Variants in PPFIA1 observed in about 807,000 individuals in gnomAD.
PPFIA1 encodes PPFI scaffold protein A1.
PPFIA1 carries 25 observed loss-of-function variants against 149.9 expected under a neutral mutation model. The ratio of observed to expected loss-of-function variants is 0.17; its 90% confidence interval spans 0.12 to 0.23. PPFIA1 has a LOEUF of 0.23. Among genes scored for constraint, PPFIA1 ranks in the 10% least tolerant of loss-of-function variants. The probability of loss-of-function intolerance (pLI) is 1.00; values close to 1 mark genes in which losing one functional copy is unlikely to be tolerated. For missense variants in PPFIA1, 1,362 were observed against 1,506.5 expected (o/e 0.90, Z 1.59); for synonymous variants, 549 against 552.8 (o/e 0.99, Z 0.10).
chr11:70,272,513 G>A, intron 2 of PPFIA1, 77 bp downstream of exon 2: 1 of 1,426,312 alleles, frequency 7.0e-7, no homozygotes, highest in Non-Finnish European at 9.5e-7. Context: ...TTTTGTTAAT[G>A]TTTCAGATGA....
At chr11:70,315,033 A>C (rs906820212) in intron 2 of PPFIA1, among the ~76,000 whole-genome samples, 1 of 152,232 alleles carries the variant, frequency 6.6e-6, no homozygotes, top group Admixed American at 6.5e-5. Context: ...CTCACTCACT[A>C]TCACGAGAAC....
At chr11:70,326,152 T>A (rs2054270962) in intron 5 of PPFIA1, 110 bp from the exon 6 acceptor site, 1 of 644,936 alleles carries the variant, frequency 1.6e-6, no homozygotes, top group Non-Finnish European at 2.7e-6. Flanking sequence ...TTCTCTTTTA[T>A]ACTATGTTAA....
At position 70,354,441 on chromosome 11, in the gene PPFIA1, G is replaced by A. The variant is rs1166883624; in HGVS notation, c.2304G>A (p.Arg768=). The A allele has an allele frequency of 1.9e-6, 3 of 1,613,164 alleles. No individual in the cohort carries two copies. The highest frequency in any genetic ancestry group is 2.7e-5 in the African/African-American group (2 of 74,814). The part of the protein sequence containing the change: ...ALHTVSHEDI[R]DIRNSTGSQD... Reference sequence around the variant, plus strand: ...ACACCGTCAGCCACGAGGACATCAGGGACATAAGGAAGTAAGGAGCCTGCA... The same window carrying A: ...ACACCGTCAGCCACGAGGACATCAGAGACATAAGGAAGTAAGGAGCCTGCA... Residue 768 remains arginine (R), a synonymous_variant, in exon 17 of 28, where the codon AGG becomes AGA. Transcript: ENST00000253925.
chr11:70,295,652 A>ACCTC (rs1454298428), intron 2 of PPFIA1, among the ~76,000 whole-genome samples: 1 of 97,198 alleles, frequency 1.0e-5, no homozygotes, highest in African/African-American at 4.1e-5. Flanking sequence ...GGTGCCCCTC[A>ACCTC]CCTCCCGGAC....
intron 7 of PPFIA1, among the ~76,000 whole-genome samples, chr11:70,329,583 A>G (rs932418382): frequency 6.6e-6 from 1 of 152,120 alleles, no homozygotes; most frequent in African/African-American, 2.4e-5. Context: ...AGTACCTGGG[A>G]CTACAGGGGC....
chr11:70,303,182 T>C (rs1409871724), intron 2 of PPFIA1, among the ~76,000 whole-genome samples: 3 of 152,138 alleles, frequency 2.0e-5, no homozygotes, highest in Non-Finnish European at 4.4e-5. Context: ...GCACTGTGGT[T>C]CTAGACCCCG....
At chr11:70,293,206 T>A (rs547256053) in intron 2 of PPFIA1, among the ~76,000 whole-genome samples, 1 of 152,352 alleles carries the variant, frequency 6.6e-6, no homozygotes, top group East Asian at 1.9e-4. Flanking sequence ...CTCATCTAAT[T>A]CTGTTCCTAG....
intron 25 of PPFIA1, among the ~76,000 whole-genome samples, chr11:70,377,003 G>A (rs532987562): frequency 1.3e-5 from 2 of 152,148 alleles, no homozygotes; most frequent in South Asian, 4.1e-4. Context: ...AACCTGGGAG[G>A]TGGAGGTTGC....
intron 26 of PPFIA1, among the ~76,000 whole-genome samples, chr11:70,381,503 C>T (rs2057709672): frequency 6.6e-6 from 1 of 152,230 alleles, no homozygotes; most frequent in Non-Finnish European, 1.5e-5. Flanking sequence ...GCCAACGCCC[C>T]ACCCCTGCAG....
Position 70,355,673 on chromosome 11 carries a change from C to T in PPFIA1, c.2350C>T (p.Pro784Ser). The T allele has an allele frequency of 6.2e-7, 1 of 1,613,462 alleles. No individual in the cohort carries two copies. Among genetic ancestry groups the T allele is most frequent in the African/African-American group, 1.3e-5 (1 of 74,972 alleles). Residue 784 changes from proline (P) to serine (S), a missense_variant, in exon 18 of 28, where the codon CCC (proline) becomes TCC (serine). Coordinates refer to ENST00000253925, the MANE Select transcript of PPFIA1 (RefSeq NM_003626.5). ...CTCCCAGGATGGTCCCGTGAGCAAC[C>T]CCAGCAGTAGCAACAGTAGCCAGGA... ...TGSQDGPVSN[P>S]SSSNSSQDSL...
At chr11:70,347,876 G>A (rs572936583) in intron 15 of PPFIA1, among the ~76,000 whole-genome samples, 7 of 151,606 alleles carry the variant, frequency 4.6e-5, no homozygotes, top group Non-Finnish European at 8.8e-5. Flanking sequence ...GGTGGCACGC[G>A]CCTGTAATCC....
At chr11:70,279,042 T>C (rs2050580944) in intron 2 of PPFIA1, 1 of 532,910 alleles carries the variant, frequency 1.9e-6, no homozygotes, top group Admixed American at 2.7e-5. Flanking sequence ...AAGTTGCAAG[T>C]AATGAGGGGT....
Position 70,270,831 on chromosome 11 carries a change from C to A in PPFIA1, c.-84C>A, listed in dbSNP as rs901992982. On this transcript the variant is annotated 5_prime_UTR_variant, in exon 1 of 28. Coordinates refer to ENST00000253925, the MANE Select transcript of PPFIA1 (RefSeq NM_003626.5). ...GCGGACGCCGGCCGCGGGCTGCTTTCGTCGGCTCCCAAGCTCTCCCGGAGC... is the reference window on the plus strand; with the variant it reads ...GCGGACGCCGGCCGCGGGCTGCTTTAGTCGGCTCCCAAGCTCTCCCGGAGC... 6.7e-6 allele frequency: 1 copy of A among 150,252 alleles called. No homozygotes were observed. Among genetic ancestry groups the A allele is most frequent in the African/African-American group, 2.4e-5 (1 of 41,172 alleles). The allele number at this position is 150,252 out of a possible 1,614,324, so 9.3% of individuals were successfully genotyped here.
At chr11:70,294,841 C>G (rs987059456) in intron 2 of PPFIA1, among the ~76,000 whole-genome samples, 5 of 151,380 alleles carry the variant, frequency 3.3e-5, no homozygotes, top group African/African-American at 1.2e-4. Context: ...GTGGACACAG[C>G]ACATGTTTCA....
chr11:70,329,458 TA>T (rs1032418662), intron 7 of PPFIA1, among the ~76,000 whole-genome samples: 8 of 152,046 alleles, frequency 5.3e-5, no homozygotes, highest in Admixed American at 2.0e-4. Flanking sequence ...TTTATTTATT[TA>T]TTTTTGAGAC....
At chr11:70,377,987 T>C in intron 25 of PPFIA1, 43 bp from the exon 26 acceptor site, 1 of 1,501,126 alleles carries the variant, frequency 6.7e-7, no homozygotes, top group Non-Finnish European at 9.2e-7. Context: ...CTCTGACCTT[T>C]ATTTTTTAAA....
chr11:70,285,890 A>G (rs971512273), intron 2 of PPFIA1, among the ~76,000 whole-genome samples: 3 of 152,130 alleles, frequency 2.0e-5, no homozygotes, highest in African/African-American at 4.8e-5. Flanking sequence ...ATAGGTAAAA[A>G]GGGTTATTTA....
chr11:70,277,898 TTTTTGTTTTG>T (rs749285915), intron 2 of PPFIA1, among the ~76,000 whole-genome samples: 22 of 152,130 alleles, frequency 1.4e-4, no homozygotes, highest in South Asian at 6.2e-4. Flanking sequence ...TTGCCTTTAG[TTTTTGTTTTG>T]TTTTGTTTTG....
intron 11 of PPFIA1, among the ~76,000 whole-genome samples, chr11:70,336,241 G>A (rs1456974372): frequency 6.6e-6 from 1 of 152,122 alleles, no homozygotes; most frequent in Non-Finnish European, 1.5e-5. Flanking sequence ...GGTGGCTCAC[G>A]TCTGTAATCC....
Sources: allele counts gnomAD v4.1 joint callset (sites outside exome capture counted in the v4.1 genomes callset), GRCh38; gene constraint gnomAD v4.1.1; transcripts MANE v1.5; gene names NCBI Gene and HGNC (gene_info 2026-07-23, HGNC 2026-07-21).